Variants in ZC3H11A observed in about 807,000 individuals in gnomAD.
ZC3H11A encodes the protein zinc finger CCCH-type containing 11A.
In ZC3H11A, 22 loss-of-function variants were observed where a neutral mutation model predicts 90.8. The ratio of observed to expected loss-of-function variants is 0.24; its 90% CI spans 0.17 to 0.35. ZC3H11A has a LOEUF of 0.35. Among genes scored for constraint, ZC3H11A ranks in the 10% least tolerant of loss-of-function variants. The pLI is 1.00. For synonymous variants in ZC3H11A, 294 were observed against 339.8 expected (o/e 0.87, Z 1.48); for missense variants, 701 against 964.9 (o/e 0.73, Z 3.62).
intron 2 of ZC3H11A, among the ~76,000 whole-genome samples, chr1:203,808,693 T>C (rs1673200391): frequency 6.6e-6 from 1 of 152,214 alleles, no homozygotes; most frequent in Non-Finnish European, 1.5e-5. Flanking sequence ...TCAGTTATTA[T>C]GTTTTTCATC....
At chr1:203,838,211 C>T in intron 11 of ZC3H11A, 147 bp downstream of exon 11, 1 of 797,000 alleles carries the variant, frequency 1.3e-6, no homozygotes, top group Non-Finnish European at 2.0e-6. Flanking sequence ...AACATTTGAT[C>T]CTTAGTCTGC....
intron 1 of ZC3H11A, chr1:203,799,797 C>G (rs766176242): frequency 1.6e-6 from 2 of 1,275,528 alleles, no homozygotes; most frequent in South Asian, 1.3e-5. Context: ...AAGTGCCATG[C>G]TTAAATCCAA....
Position 203,800,159 on chromosome 1 carries a change from A to T in ZC3H11A, c.-1587-1416A>T, listed in dbSNP as rs747663682. 23 of 1,533,870 alleles carry T rather than the reference A, an allele frequency of 1.5e-5. No individual in the cohort carries two copies. The African/African-American group carries it at 3.0e-4, about 20-fold the overall frequency. On this transcript the variant is annotated intron_variant, in intron 1 of 17. Transcript: ENST00000367210. Reference sequence around the variant, plus strand: ...TCAAAGAGAAGTATTCAGAGTTCTCAGGAGGTGATGACCCTTTAATTTACT... The same window carrying T: ...TCAAAGAGAAGTATTCAGAGTTCTCTGGAGGTGATGACCCTTTAATTTACT...
At chr1:203,825,998 ACAGAAGTCATT>A (rs1300799890) in intron 4 of ZC3H11A, among the ~76,000 whole-genome samples, 3 of 152,234 alleles carry the variant, frequency 2.0e-5, no homozygotes, top group Non-Finnish European at 4.4e-5. Flanking sequence ...AGATACTGTT[ACAGAAGTCATT>A]CAGTAATTTG....
At chr1:203,846,905 G>A (rs890321355) in intron 12 of ZC3H11A, among the ~76,000 whole-genome samples, 2 of 151,956 alleles carry the variant, frequency 1.3e-5, no homozygotes, top group Admixed American at 1.3e-4. Flanking sequence ...TTGGGAGGCT[G>A]AGGCAGGAGA....
chr1:203,833,378 A>AG (rs1468526328), intron 9 of ZC3H11A, among the ~76,000 whole-genome samples: 1 of 148,510 alleles, frequency 6.7e-6, no homozygotes, highest in East Asian at 1.9e-4. Context: ...AAAAAAAAAA[A>AG]AAAAAACACC....
intron 17 of ZC3H11A, among the ~76,000 whole-genome samples, chr1:203,851,805 A>G (rs1689341554): frequency 6.9e-6 from 1 of 145,830 alleles, no homozygotes; most frequent in Non-Finnish European, 1.5e-5. Flanking sequence ...TCTAATAAAA[A>G]TCAAAGAAAT....
intron 10 of ZC3H11A, chr1:203,834,081 A>AAG: frequency 8.3e-7 from 1 of 1,200,052 alleles, no homozygotes; most frequent in Non-Finnish European, 1.0e-6. Flanking sequence ...AGCGTTTTGG[A>AAG]AGGAACTAGA....
chr1:203,796,891 C>T (rs967792716), intron 1 of ZC3H11A: 22 of 155,122 alleles, frequency 1.4e-4, no homozygotes, highest in African/African-American at 5.1e-4. Context: ...TTAGTTAGAA[C>T]TGAAAGGGCT....
chr1:203,825,559 C>T (rs1199570635), intron 4 of ZC3H11A, among the ~76,000 whole-genome samples: 3 of 151,724 alleles, frequency 2.0e-5, no homozygotes, highest in South Asian at 2.1e-4. Flanking sequence ...CTCAGCCTCC[C>T]GCATAGCTGG....
intron 4 of ZC3H11A, 55 bp from the exon 5 acceptor site, chr1:203,828,244 A>C: frequency 6.2e-7 from 1 of 1,605,320 alleles, no homozygotes; most frequent in East Asian, 2.2e-5. Flanking sequence ...AAACTGCCAC[A>C]TGAATATACG....
chr1:203,807,474 T>A (rs1672764439), intron 2 of ZC3H11A, among the ~76,000 whole-genome samples: 1 of 151,732 alleles, frequency 6.6e-6, no homozygotes, highest in Non-Finnish European at 1.5e-5. Context: ...TTATGACTGT[T>A]TTTTGGGTTT....
At position 203,829,717 on chromosome 1, in the gene ZC3H11A, A is replaced by T. The variant is rs1681640039; in HGVS notation, c.502+63A>T. On this transcript the variant is annotated intron_variant, in intron 6 of 17. Coordinates refer to ENST00000367210, the MANE Select transcript of ZC3H11A (RefSeq NM_001376342.1). ...TAGGGTCTCATAGTGAATTGGGCAG[A>T]ATCAGGATTAAAGCTATAGGCGTAT... The T allele has an allele frequency of 6.8e-6, 11 of 1,612,210 alleles. No individual in the cohort carries two copies. The Admixed American group carries it at 1.0e-4, about 15-fold the overall frequency.
At chr1:203,837,216 A>G (rs1684612164) in intron 10 of ZC3H11A, among the ~76,000 whole-genome samples, 1 of 149,430 alleles carries the variant, frequency 6.7e-6, no homozygotes, top group African/African-American at 2.5e-5. Flanking sequence ...GCTTGAGCCT[A>G]GGAGGTGGAG....
chr1:203,805,666 A>G, intron 2 of ZC3H11A: 1 of 705,928 alleles, frequency 1.4e-6, no homozygotes, highest in South Asian at 1.3e-5. Context: ...CCAGAACTCC[A>G]TCCTTGTTTT....
intron 1 of ZC3H11A, chr1:203,799,220 C>T: frequency 1.1e-6 from 1 of 939,604 alleles, no homozygotes; most frequent in East Asian, 2.6e-5. Context: ...CTGACAATTC[C>T]TCTAATGTGG....
chr1:203,803,501 CT>C (rs993636467), intron 2 of ZC3H11A, among the ~76,000 whole-genome samples: 2 of 152,120 alleles, frequency 1.3e-5, no homozygotes, highest in Non-Finnish European at 2.9e-5. Flanking sequence ...CATAGTTTTT[CT>C]TTCTTTGTTT....
At chr1:203,809,517 T>A (rs940840420) in intron 2 of ZC3H11A, among the ~76,000 whole-genome samples, 1 of 152,170 alleles carries the variant, frequency 6.6e-6, no homozygotes, top group South Asian at 2.1e-4. Flanking sequence ...GTAGCAATGC[T>A]ATATCCTTTA....
At chr1:203,803,854 G>C (rs1240583448) in intron 2 of ZC3H11A, among the ~76,000 whole-genome samples, 5 of 152,086 alleles carry the variant, frequency 3.3e-5, no homozygotes, top group Admixed American at 3.3e-4. Context: ...CAGTCTTCCT[G>C]CCTTGGCCAA....
Sources: gnomAD v4.1 joint callset for allele counts (sites outside exome capture counted in the v4.1 genomes callset) on GRCh38, gnomAD v4.1.1 for gene constraint, MANE v1.5 for transcripts, NCBI Gene and HGNC (gene_info 2026-07-23, HGNC 2026-07-21) for gene names.